Variants in EPHA4 observed in about 807,000 individuals in gnomAD.
EPHA4 encodes EPH receptor A4, also known as ephrin type-A receptor 4.
A neutral mutation model predicts 108.3 loss-of-function variants in EPHA4; 19 were observed. That is an observed-to-expected ratio of 0.18 (90% CI 0.12 to 0.26). The LOEUF is 0.26. Among genes scored for constraint, EPHA4 ranks in the 10% least tolerant of loss-of-function variants. The pLI is 1.00. For missense variants in EPHA4, 917 were observed against 1,254.0 expected (o/e 0.73, Z 4.06); for synonymous variants, 449 against 455.5 (o/e 0.99, Z 0.18).
At chr2:221,471,959 TC>T (rs1294656751) in intron 5 of EPHA4, among the ~76,000 whole-genome samples, 1 of 152,136 alleles carries the variant, frequency 6.6e-6, no homozygotes, top group Non-Finnish European at 1.5e-5. Flanking sequence ...TGATGTTAGC[TC>T]CAAGGATTTC....
At chr2:221,443,947 T>C (rs955697400) in intron 9 of EPHA4, among the ~76,000 whole-genome samples, 6 of 152,232 alleles carry the variant, frequency 3.9e-5, no homozygotes, top group African/African-American at 1.2e-4. Context: ...TTGCATGAAG[T>C]CCTACCCACT....
chr2:221,488,349 T>C (rs1387436060), intron 4 of EPHA4, among the ~76,000 whole-genome samples: 8 of 152,288 alleles, frequency 5.3e-5, no homozygotes, highest in African/African-American at 1.7e-4. Flanking sequence ...GATTAACCTA[T>C]GTATATAGCC....
chr2:221,486,295 C>T (rs1691970935), intron 4 of EPHA4, among the ~76,000 whole-genome samples: 1 of 152,166 alleles, frequency 6.6e-6, no homozygotes, highest in Non-Finnish European at 1.5e-5. Context: ...ACTGGCATAA[C>T]ACCAGTCCTT....
chr2:221,420,979 C>A (rs16862630), intron 17 of EPHA4, among the ~76,000 whole-genome samples: 1 of 152,056 alleles, frequency 6.6e-6, no homozygotes, highest in Non-Finnish European at 1.5e-5. Context: ...CACAATCCAC[C>A]CATAGTCAAC....
Position 221,553,946 on chromosome 2 carries a change from A to G in EPHA4, c.823+9785T>C, listed in dbSNP as rs529059980. Among the ~76,000 whole-genome samples the G allele has an allele frequency of 1.6e-3, 237 of 152,346 alleles. 1 individual carries two copies. The highest frequency in any genetic ancestry group is 5.2e-3 in the African/African-American group (215 of 41,580). ...CCACAGCTTTGTACTGGTGCAGAAA[A>G]TATCTGTAAACGGAAGGGAAATGAT... On this transcript the variant is annotated intron_variant, in intron 3 of 17. Coordinates refer to ENST00000281821, the MANE Select transcript of EPHA4 (RefSeq NM_004438.5).
At chr2:221,529,517 G>A (rs1346895290) in intron 3 of EPHA4, among the ~76,000 whole-genome samples, 2 of 152,174 alleles carry the variant, frequency 1.3e-5, no homozygotes, top group Non-Finnish European at 2.9e-5. Flanking sequence ...GTTGCATCCA[G>A]GCAGAGAGGG....
chr2:221,468,546 T>A (rs1052440012), intron 5 of EPHA4, among the ~76,000 whole-genome samples: 1 of 152,158 alleles, frequency 6.6e-6, no homozygotes, highest in Non-Finnish European at 1.5e-5. Context: ...CATGAGACAA[T>A]GCTGTAACAT....
chr2:221,439,306 C>T (rs1690340451), intron 11 of EPHA4, among the ~76,000 whole-genome samples: 1 of 144,054 alleles, frequency 6.9e-6, no homozygotes, highest in Non-Finnish European at 1.5e-5. Flanking sequence ...TTACCCTCTA[C>T]ATATGTGACC....
intron 3 of EPHA4, among the ~76,000 whole-genome samples, chr2:221,517,831 C>G (rs1049953394): frequency 2.0e-4 from 31 of 152,174 alleles, no homozygotes; most frequent in Non-Finnish European, 3.7e-4. Context: ...GGCCACCAGG[C>G]CCTGGGTCCT....
At position 221,482,886 on chromosome 2, in the gene EPHA4, C is replaced by G. The variant is rs754340862; in HGVS notation, c.980-196G>C. 6.1e-4 allele frequency among the ~76,000 whole-genome samples: 93 copies of G among 152,202 alleles called. 1 individual carries two copies. Among genetic ancestry groups the G allele is most frequent in the Non-Finnish European group, 1.9e-4 (13 of 68,034 alleles). On this transcript the variant is annotated intron_variant, in intron 4 of 17. Coordinates refer to ENST00000281821, the MANE Select transcript of EPHA4 (RefSeq NM_004438.5). ...AGAAGGCTGTTACGTGAGTGTCATT[C>G]TCTTTCCCACGCAAACAAACAAGGC... is the stretch of plus-strand genomic sequence containing the variant.
At chr2:221,541,277 C>T (rs1385437949) in intron 3 of EPHA4, among the ~76,000 whole-genome samples, 1 of 152,076 alleles carries the variant, frequency 6.6e-6, no homozygotes, top group Non-Finnish European at 1.5e-5. Context: ...TGTGGGATGA[C>T]ATCAAGCTCT....
At chr2:221,481,265 T>A (rs1336194473) in intron 5 of EPHA4, among the ~76,000 whole-genome samples, 1 of 152,182 alleles carries the variant, frequency 6.6e-6, no homozygotes, top group Non-Finnish European at 1.5e-5. Context: ...GGAAATGTTT[T>A]CTAGTCATCT....
Position 221,526,852 on chromosome 2 carries a change from C to CAA in EPHA4, c.824-25682_824-25681dup, listed in dbSNP as rs528335766. ...TGGGCAATATAGCCAGACTCGGCCT[C>CAA]AAAAAAAAAAAAAAAAAAAAAAAAA... On this transcript the variant is annotated intron_variant, in intron 3 of 17. Coordinates refer to ENST00000281821, the MANE Select transcript of EPHA4 (RefSeq NM_004438.5). Among the ~76,000 whole-genome samples the CAA allele has an allele frequency of 2.1e-4, 10 of 48,616 alleles. 1 individual carries two copies. Among genetic ancestry groups the CAA allele is most frequent in the African/African-American group, 5.0e-4 (6 of 12,066 alleles). 31.9% of individuals were successfully genotyped at this position (48,616 alleles called of 152,430 possible).
rs767955159 is a variant in EPHA4, at chr2:221,435,989, T to C, written c.2346+410A>G. Among the ~76,000 whole-genome samples the C allele has an allele frequency of 9.3e-4, 140 of 149,992 alleles. 1 individual carries two copies. Among genetic ancestry groups the C allele is most frequent in the Non-Finnish European group, 1.1e-3 (74 of 67,454 alleles). ...AGGAAGACAGGCAGGCAAATACAAG[T>C]GCAAAAAAATAAATAAGTGAAGCTA... On this transcript the variant is annotated intron_variant, in intron 13 of 17. Transcript: ENST00000281821.
chr2:221,516,188 C>T (rs1050936628), intron 3 of EPHA4, among the ~76,000 whole-genome samples: 11 of 152,084 alleles, frequency 7.2e-5, no homozygotes, highest in Admixed American at 7.2e-4. Flanking sequence ...AGAGGCCAGG[C>T]TCTGTGAAAA....
chr2:221,499,715 A>ATTATAT lies in EPHA4; in HGVS notation c.979+1301_979+1302insATATAA, dbSNP rs1322169477. On this transcript the variant is annotated intron_variant, in intron 4 of 17. Coordinates refer to ENST00000281821, the MANE Select transcript of EPHA4 (RefSeq NM_004438.5). ...AATAGTCATAATGATAACTAAAACT[A>ATTATAT]ATATATATATATATATATATATATA... Among the ~76,000 whole-genome samples the ATTATAT allele has an allele frequency of 1.9e-3, 90 of 48,450 alleles. 1 individual carries two copies. Among genetic ancestry groups the ATTATAT allele is most frequent in the South Asian group, 7.2e-3 (6 of 838 alleles). The allele number at this position is 48,450 out of a possible 152,430, so 31.8% of individuals were successfully genotyped here.
rs564928110 is a variant in EPHA4 at position 221,566,962 on chromosome 2, A to G, written c.159+1756T>C. ...GGAGAAGGAGAAGGAGAAGGGGAAG[A>G]GGAAGAGGAAGAAGAAGAAGAAGAA... On this transcript the variant is annotated intron_variant, in intron 2 of 17. Coordinates refer to ENST00000281821, the MANE Select transcript of EPHA4 (RefSeq NM_004438.5). 2.8e-3 allele frequency among the ~76,000 whole-genome samples: 223 copies of G among 79,806 alleles called. 17 individuals are homozygous for G. The highest frequency in any genetic ancestry group is 4.8e-3 in the East Asian group (11 of 2,302). The allele number at this position is 79,806 out of a possible 152,430, so 52.4% of individuals were successfully genotyped here.
chr2:221,447,821 T>TTTTATTTATTTATTTATTTATTTA lies in EPHA4; in HGVS notation c.1716-1664_1716-1641dup, dbSNP rs56796398. On this transcript the variant is annotated intron_variant, in intron 8 of 17. Transcript: ENST00000281821. ...GCATTTAACTTTTCAAAGGGTCTATTTTTATTTATTTATTTATTTATTTAA... is the reference window on the plus strand; with the variant it reads ...GCATTTAACTTTTCAAAGGGTCTATTTTTATTTATTTATTTATTTATTTATTTATTTATTTATTTATTTATTTAA... 9.5e-3 allele frequency among the ~76,000 whole-genome samples: 1,400 copies of TTTTATTTATTTATTTATTTATTTA among 147,656 alleles called. 17 individuals are homozygous for TTTTATTTATTTATTTATTTATTTA. Among genetic ancestry groups the TTTTATTTATTTATTTATTTATTTA allele is most frequent in the African/African-American group, 0.023 (924 of 39,932 alleles).
intron 11 of EPHA4, chr2:221,437,372 C>T: frequency 2.7e-6 from 1 of 370,366 alleles, no homozygotes; most frequent in Admixed American, 4.2e-5. Context: ...ACTAAAGTGG[C>T]CTCTGGTATC....
Sources: allele counts gnomAD v4.1 joint callset (sites outside exome capture counted in the v4.1 genomes callset), GRCh38; gene constraint gnomAD v4.1.1; transcripts MANE v1.5; gene names NCBI Gene and HGNC (gene_info 2026-07-23, HGNC 2026-07-21).